Variants in LRRC9 observed in about 807,000 individuals in gnomAD.
LRRC9 encodes leucine rich repeat containing 9.
In LRRC9, 122 loss-of-function variants were observed where a neutral mutation model predicts 63.2. That is an observed-to-expected ratio of 1.93 (90% CI 1.67 to 2.24). LRRC9 has a LOEUF of 2.24. LRRC9 is among the 30% of genes most tolerant of loss of function. The pLI, the probability that LRRC9 is intolerant of heterozygous loss-of-function variation, is 0.00. For synonymous variants in LRRC9, 366 were observed against 213.1 expected, an observed-to-expected ratio of 1.72 and a Z score of -6.25; for missense variants, 1,071 against 627.7, an observed-to-expected ratio of 1.71 and a Z score of -7.55.
At chr14:60,005,027 G>T (rs991471307) in intron 21 of LRRC9, among the ~76,000 whole-genome samples, 1 of 151,934 alleles carries the variant, frequency 6.6e-6, no homozygotes, top group Non-Finnish European at 1.5e-5. Context: ...ATTCATTTTT[G>T]AATTGGATTA....
intron 21 of LRRC9, among the ~76,000 whole-genome samples, chr14:60,006,024 G>A (rs562504038): frequency 6.6e-6 from 1 of 152,182 alleles, no homozygotes; most frequent in South Asian, 2.1e-4. Context: ...TTAAAAATGA[G>A]GGCTGGTGAT....
At position 59,938,183 on chromosome 14, in the gene LRRC9, T is replaced by C. The variant is rs192550897; in HGVS notation, c.544-207T>C. Reference sequence around the variant, plus strand: ...AGTAAATATTTAAAAGGCATAGTGGTGTAGCATGTTGTTTAATTATTGTTG... The same window carrying C: ...AGTAAATATTTAAAAGGCATAGTGGCGTAGCATGTTGTTTAATTATTGTTG... On this transcript the variant is annotated intron_variant, in intron 6 of 31. Transcript: ENST00000445360. This position sits in a 1 kb window ranked among gnomAD's most constrained non-coding sequence, Gnocchi z 4.2. Among the ~76,000 whole-genome samples, 1 of 152,272 alleles carries C rather than the reference T, an allele frequency of 6.6e-6. No individual in the cohort carries two copies. Among genetic ancestry groups the C allele is most frequent in the East Asian group, 1.9e-4 (1 of 5,184 alleles).
At chr14:60,026,501 A>G (rs1031261428) in intron 27 of LRRC9, among the ~76,000 whole-genome samples, 3 of 152,052 alleles carry the variant, frequency 2.0e-5, no homozygotes, top group Admixed American at 6.6e-5. Flanking sequence ...TAGTTTACAA[A>G]TACTTTCTCC....
chr14:59,955,242 G>C (rs926016130), intron 8 of LRRC9, among the ~76,000 whole-genome samples: 4 of 152,180 alleles, frequency 2.6e-5, no homozygotes, highest in South Asian at 4.1e-4. Context: ...TTGTACCTCT[G>C]ATAGAATGTG....
intron 29 of LRRC9, among the ~76,000 whole-genome samples, chr14:60,036,046 G>C (rs1892405044): frequency 6.6e-6 from 1 of 152,058 alleles, no homozygotes; most frequent in Non-Finnish European, 1.5e-5. Context: ...TTGTCTTACT[G>C]TATCCTAACA....
At chr14:59,928,709 T>G (rs1468481883) in intron 3 of LRRC9, among the ~76,000 whole-genome samples, 3 of 152,026 alleles carry the variant, frequency 2.0e-5, no homozygotes, top group Non-Finnish European at 4.4e-5. Flanking sequence ...AACAGCATGT[T>G]ACTGTTACAA....
intron 11 of LRRC9, 26 bp from the exon 12 acceptor site, chr14:59,967,070 C>T (rs1161256047): frequency 1.5e-5 from 9 of 599,476 alleles, no homozygotes; most frequent in Non-Finnish European, 2.8e-5. Context: ...AATCCTCAAA[C>T]TTTTTCTGTT....
chr14:59,984,364 A>G (rs1248130803), intron 16 of LRRC9, among the ~76,000 whole-genome samples: 2 of 152,204 alleles, frequency 1.3e-5, no homozygotes, highest in African/African-American at 4.8e-5. Context: ...TGGGAGATAG[A>G]TACTTGATAC....
intron 15 of LRRC9, among the ~76,000 whole-genome samples, chr14:59,980,240 G>C (rs1360736827): frequency 6.6e-6 from 1 of 151,978 alleles, no homozygotes; most frequent in Non-Finnish European, 1.5e-5. Flanking sequence ...TAAATACTTA[G>C]GCATTATCTT....
Position 60,054,304 on chromosome 14 carries a change from A to T in LRRC9, c.4131+1099A>T, listed in dbSNP as rs111932767. ...CTTGTTATTTTAAATAAACACAGGG[A>T]CTCTAAGTGCAAATTTTAAATTATT... is the stretch of plus-strand genomic sequence containing the variant. On this transcript the variant is annotated intron_variant, in intron 30 of 31. Transcript: ENST00000445360. Among the ~76,000 whole-genome samples, 449 of 152,136 alleles carry T rather than the reference A, an allele frequency of 3.0e-3. 3 individuals are homozygous for T. The highest frequency in any genetic ancestry group is 0.01 in the African/African-American group (431 of 41,488).
intron 12 of LRRC9, among the ~76,000 whole-genome samples, chr14:59,970,166 C>T (rs1351521656): frequency 1.6e-5 from 2 of 123,536 alleles, no homozygotes; most frequent in Admixed American, 2.2e-4. Context: ...TTTATGTGTT[C>T]ATGTGTTCTC....
chr14:60,063,583 G>A (rs1410526973), downstream of LRRC9: 2 of 431,940 alleles, frequency 4.6e-6, no homozygotes, highest in African/African-American at 4.1e-5. Context: ...TTAGTTATTT[G>A]TTTGAATTTC....
At chr14:59,973,755 G>A (rs1594909743) in intron 12 of LRRC9, among the ~76,000 whole-genome samples, 1 of 152,028 alleles carries the variant, frequency 6.6e-6, no homozygotes, top group African/African-American at 2.4e-5. Context: ...GTGGAGGGCT[G>A]ACTGTATTTA....
Position 59,945,328 on chromosome 14 carries a change from G to A in LRRC9, c.882+584G>A, listed in dbSNP as rs528992075. 2.6e-4 allele frequency among the ~76,000 whole-genome samples: 40 copies of A among 151,956 alleles called. 2 individuals are homozygous for A. The highest frequency in any genetic ancestry group is 9.2e-4 in the Admixed American group (14 of 15,252). ...CTCAAAACGGAATCTTGTATATATA[G>A]TAATTCCTGTATTTTTTTCAGTATG... is the stretch of plus-strand genomic sequence containing the variant. On this transcript the variant is annotated intron_variant, in intron 8 of 31. Transcript: ENST00000445360.
At position 59,966,163 on chromosome 14, in the gene LRRC9, A is replaced by G. The variant is rs1434655790; in HGVS notation, c.1212-426A>G. ...AGTAGAGATCAAGACTAGAAATAAAATGTTGTAATTTATCAGGATGTATAT... is the reference window on the plus strand; with the variant it reads ...AGTAGAGATCAAGACTAGAAATAAAGTGTTGTAATTTATCAGGATGTATAT... On this transcript the variant is annotated intron_variant, in intron 10 of 31. Transcript: ENST00000445360. The surrounding 1 kb of genome is among the most constrained non-coding windows in gnomAD (Gnocchi z 4.0). 6.6e-6 allele frequency among the ~76,000 whole-genome samples: 1 copy of G among 152,134 alleles called. No homozygotes were observed. The highest frequency in any genetic ancestry group is 1.9e-4 in the East Asian group (1 of 5,194).
In LRRC9 at chr14:59,932,155, G is replaced by C. The variant is rs1377616363; in HGVS notation, c.543+116G>C. ...AGGAATAAGTTCATTATTTTGGGCT[G>C]ATGCTCCAGGAAATTTGAAAGTCAT... On this transcript the variant is annotated intron_variant, in intron 6 of 31. Transcript: ENST00000445360. The surrounding 1 kb of genome is among the most constrained non-coding windows in gnomAD (Gnocchi z 4.7). 5.3e-6 allele frequency: 3 copies of C among 570,184 alleles called. No individual in the cohort carries two copies. The highest frequency in any genetic ancestry group is 9.2e-6 in the Non-Finnish European group (3 of 325,284). 35.3% of individuals were successfully genotyped at this position (570,184 alleles called of 1,614,324 possible).
At chr14:59,973,786 A>T (rs972857007) in intron 12 of LRRC9, among the ~76,000 whole-genome samples, 1 of 151,998 alleles carries the variant, frequency 6.6e-6, no homozygotes, top group Middle Eastern at 3.2e-3. Context: ...ATGTCTTTGG[A>T]TTGCAGATTT....
intron 9 of LRRC9, among the ~76,000 whole-genome samples, chr14:59,960,669 T>C (rs1162773146): frequency 6.6e-6 from 1 of 152,234 alleles, no homozygotes; most frequent in Non-Finnish European, 1.5e-5. Context: ...ATCTGAAAGC[T>C]GTAAGTGGTA....
chr14:60,055,452 C>G (rs148256662), intron 30 of LRRC9, among the ~76,000 whole-genome samples: 45 of 152,252 alleles, frequency 3.0e-4, no homozygotes, highest in African/African-American at 9.6e-4. Context: ...AAGCAAGTCA[C>G]TTCTTGAAAA....
Sources: allele counts gnomAD v4.1 joint callset (sites outside exome capture counted in the v4.1 genomes callset), GRCh38; gene constraint gnomAD v4.1.1; non-coding constraint Gnocchi (gnomAD v3.1); transcripts MANE v1.5; gene names NCBI Gene and HGNC (gene_info 2026-07-23, HGNC 2026-07-21).